The following COL21A1 variants were observed in gnomAD, a reference collection of about 807,000 sequenced individuals.
COL21A1 encodes the protein collagen alpha-1(XXI) chain.
COL21A1 carries 149 observed loss-of-function variants against 137.9 expected under a neutral mutation model. That is an observed-to-expected ratio of 1.08 (90% CI 0.95 to 1.24). The LOEUF is 1.24. Among genes scored for constraint, COL21A1 ranks in the 50% most tolerant of loss-of-function variants. The pLI is 0.00. For missense variants in COL21A1, 1,167 were observed against 1,158.4 expected, an observed-to-expected ratio of 1.01 and a Z score of -0.11; for synonymous variants, 456 against 391.5, an observed-to-expected ratio of 1.16 and a Z score of -1.95.
chr6:56,307,658 C>T (rs1193966129), intron 1 of COL21A1, among the ~76,000 whole-genome samples: 1 of 152,188 alleles, frequency 6.6e-6, no homozygotes, highest in Non-Finnish European at 1.5e-5. Flanking sequence ...ATTCCCTGAC[C>T]CCTTGCTCTT....
At chr6:56,294,516 C>T (rs868854537) in intron 1 of COL21A1, among the ~76,000 whole-genome samples, 18 of 152,006 alleles carry the variant, frequency 1.2e-4, no homozygotes, top group African/African-American at 4.1e-4. Flanking sequence ...ATATTTTCAC[C>T]TATTTTTAAC....
At position 56,291,897 on chromosome 6, in the gene COL21A1, G is replaced by A. The variant is rs571519560; in HGVS notation, c.-39+102074C>T. 1.1e-4 allele frequency among the ~76,000 whole-genome samples: 17 copies of A among 152,274 alleles called. No homozygotes were observed. In the East Asian group the frequency reaches 2.5e-3, roughly 22 times the overall value. On this transcript the variant is annotated intron_variant, in intron 1 of 28. Coordinates refer to the COL21A1 transcript ENST00000370819. ...TACATGTAAAGACTATTTTCAGGCCGGGTGTGGTGCCTGTAATCCCAGCAC... is the reference window on the plus strand; with the variant it reads ...TACATGTAAAGACTATTTTCAGGCCAGGTGTGGTGCCTGTAATCCCAGCAC...
At position 56,170,469 on chromosome 6, in the gene COL21A1, T is replaced by C. The variant is rs181496090; in HGVS notation, c.1026+180A>G. ...TTCCCCCTCAGCATTTGTCCCCATA[T>C]TGATCAAGAAACAATTTTCCTTTCT... is the stretch of plus-strand genomic sequence containing the variant. On this transcript the variant is annotated intron_variant, in intron 5 of 29. Coordinates refer to ENST00000244728, the MANE Select transcript of COL21A1 (RefSeq NM_030820.4). Among the ~76,000 whole-genome samples the C allele has an allele frequency of 5.3e-5, 8 of 152,120 alleles. No individual in the cohort carries two copies. The East Asian group carries it at 1.5e-3, about 29-fold the overall frequency.
chr6:56,356,410 G>A (rs776545951), intron 1 of COL21A1, among the ~76,000 whole-genome samples: 13 of 152,144 alleles, frequency 8.5e-5, no homozygotes, highest in Non-Finnish European at 1.6e-4. Flanking sequence ...CCCACTATAT[G>A]TCAGGGGTAC....
intron 1 of COL21A1, among the ~76,000 whole-genome samples, chr6:56,349,194 T>A (rs1765658111): frequency 6.6e-6 from 1 of 152,112 alleles, no homozygotes; most frequent in Admixed American, 6.5e-5. Context: ...TAAAATAAAT[T>A]TAGTGAGACG....
intron 1 of COL21A1, among the ~76,000 whole-genome samples, chr6:56,331,176 T>C (rs1765214229): frequency 6.6e-6 from 1 of 152,112 alleles, no homozygotes; most frequent in East Asian, 1.9e-4. Flanking sequence ...TTGTTTGAGT[T>C]CTTTGTAGAT....
At chr6:56,129,922 A>C (rs533114573) in intron 12 of COL21A1, among the ~76,000 whole-genome samples, 355 of 144,346 alleles carry the variant, frequency 2.5e-3, no homozygotes, top group Non-Finnish European at 4.3e-3. Flanking sequence ...CAAGAACCTA[A>C]CCCAAACTAC....
At chr6:56,066,287 C>A (rs1766238213) in intron 23 of COL21A1, among the ~76,000 whole-genome samples, 1 of 151,884 alleles carries the variant, frequency 6.6e-6, no homozygotes, top group Admixed American at 6.6e-5. Context: ...TCTAAAACAT[C>A]TTATGTATGT....
At chr6:56,058,683 G>C (rs1458323538) in intron 29 of COL21A1, among the ~76,000 whole-genome samples, 1 of 152,164 alleles carries the variant, frequency 6.6e-6, no homozygotes, top group East Asian at 1.9e-4. Context: ...AACTGTGATT[G>C]TCTTGCACTG....
At chr6:56,254,133 C>T (rs1012956225) in intron 1 of COL21A1, among the ~76,000 whole-genome samples, 2 of 152,174 alleles carry the variant, frequency 1.3e-5, no homozygotes, top group Non-Finnish European at 2.9e-5. Flanking sequence ...ATATTTTTAT[C>T]TTAGGGCTGA....
intron 1 of COL21A1, among the ~76,000 whole-genome samples, chr6:56,213,891 T>C (rs1780331206): frequency 6.6e-6 from 1 of 152,060 alleles, no homozygotes; most frequent in Admixed American, 6.6e-5. Context: ...ATAATAGGGA[T>C]ATTAGAAGTA....
intron 1 of COL21A1, among the ~76,000 whole-genome samples, chr6:56,195,060 C>T (rs1184704456): frequency 6.6e-6 from 1 of 152,148 alleles, no homozygotes; most frequent in East Asian, 1.9e-4. Context: ...GTCCCCTCAC[C>T]ATGTGATGCC....
chr6:56,155,459 CTTTCA>C (rs1333375265), intron 10 of COL21A1, among the ~76,000 whole-genome samples: 1 of 152,158 alleles, frequency 6.6e-6, no homozygotes, highest in African/African-American at 2.4e-5. Flanking sequence ...ATCTATGGTT[CTTTCA>C]TTCCTCGAAC....
At chr6:56,141,230 A>G (rs924957118) in intron 12 of COL21A1, among the ~76,000 whole-genome samples, 2 of 152,198 alleles carry the variant, frequency 1.3e-5, no homozygotes, top group Non-Finnish European at 2.9e-5. Context: ...ATTGTGGTAT[A>G]TATACATAAT....
intron 1 of COL21A1, among the ~76,000 whole-genome samples, chr6:56,263,599 T>C (rs1430375374): frequency 1.3e-5 from 2 of 152,176 alleles, no homozygotes; most frequent in African/African-American, 4.8e-5. Flanking sequence ...CTCAAAACAA[T>C]GCCCACAGTC....
chr6:56,209,991 C>T (rs1181765681), intron 1 of COL21A1, among the ~76,000 whole-genome samples: 1 of 151,922 alleles, frequency 6.6e-6, no homozygotes, highest in Non-Finnish European at 1.5e-5. Context: ...ATGGATGAAG[C>T]TGGAAACCAT....
At chr6:56,151,418 G>A (rs1025957682) in intron 10 of COL21A1, among the ~76,000 whole-genome samples, 3 of 152,098 alleles carry the variant, frequency 2.0e-5, no homozygotes, top group Non-Finnish European at 4.4e-5. Context: ...TACCTGGCAG[G>A]ATATATAAAT....
intron 1 of COL21A1, among the ~76,000 whole-genome samples, chr6:56,330,675 G>A (rs1053915921): frequency 6.6e-6 from 1 of 152,006 alleles, no homozygotes; most frequent in African/African-American, 2.4e-5. Flanking sequence ...TCACAGTTTG[G>A]AGTCTCCTGT....
At chr6:56,287,708 A>AT (rs1360038247) in intron 1 of COL21A1, among the ~76,000 whole-genome samples, 1 of 152,106 alleles carries the variant, frequency 6.6e-6, no homozygotes, top group Non-Finnish European at 1.5e-5. Context: ...CTTTATAGCA[A>AT]TGTGAGAATG....
Sources: gnomAD v4.1 joint callset for allele counts (sites outside exome capture counted in the v4.1 genomes callset) on GRCh38, gnomAD v4.1.1 for gene constraint, MANE v1.5 for transcripts, NCBI Gene and HGNC (gene_info 2026-07-23, HGNC 2026-07-21) for gene names.